Variants in STXBP5L observed in about 807,000 individuals in gnomAD.
The protein encoded by STXBP5L is syntaxin-binding protein 5-like.
In STXBP5L, 65 loss-of-function variants were observed where a neutral mutation model predicts 144.5. The ratio of observed to expected loss-of-function variants is 0.45; its 90% CI spans 0.37 to 0.55. STXBP5L has a LOEUF of 0.55. Among genes scored for constraint, STXBP5L ranks in the 20% least tolerant of loss-of-function variants. The pLI, the probability that STXBP5L is intolerant of heterozygous loss-of-function variation, is 0.00. For missense variants in STXBP5L, 1,298 were observed against 1,405.5 expected, an observed-to-expected ratio of 0.92 and a Z score of 1.22; for synonymous variants, 505 against 469.6, an observed-to-expected ratio of 1.08 and a Z score of -0.97.
chr3:121,222,162 T>C (rs1363649017), intron 10 of STXBP5L, among the ~76,000 whole-genome samples: 2 of 152,050 alleles, frequency 1.3e-5, no homozygotes, highest in African/African-American at 4.8e-5. Context: ...TGAAAATATT[T>C]TTTGCTAACA....
At chr3:120,992,556 T>C (rs1180884448) in intron 3 of STXBP5L, among the ~76,000 whole-genome samples, 1 of 152,152 alleles carries the variant, frequency 6.6e-6, no homozygotes, top group African/African-American at 2.4e-5. Flanking sequence ...GTGATGTTTA[T>C]ATTTCTGTGA....
At chr3:121,209,782 A>G (rs1163963258) in intron 10 of STXBP5L, among the ~76,000 whole-genome samples, 1 of 152,162 alleles carries the variant, frequency 6.6e-6, no homozygotes, top group Non-Finnish European at 1.5e-5. Flanking sequence ...TCATGGCTGC[A>G]TAGTATTCCA....
At chr3:121,102,237 A>G (rs1559747696) in intron 5 of STXBP5L, among the ~76,000 whole-genome samples, 1 of 152,200 alleles carries the variant, frequency 6.6e-6, no homozygotes, top group Non-Finnish European at 1.5e-5. Flanking sequence ...GAACCAAAAT[A>G]GAGCCCAAAT....
intron 5 of STXBP5L, among the ~76,000 whole-genome samples, chr3:121,072,214 C>T (rs2041838784): frequency 6.6e-6 from 1 of 152,336 alleles, no homozygotes; most frequent in Non-Finnish European, 1.5e-5. Context: ...TGCCTTCACC[C>T]ACCCTGAGAA....
chr3:121,115,160 T>G (rs1057294751), intron 6 of STXBP5L, 101 bp downstream of exon 6: 2 of 1,154,970 alleles, frequency 1.7e-6, no homozygotes, highest in Non-Finnish European at 1.2e-6. Flanking sequence ...TATTACTAAT[T>G]TATAATGAAT....
At chr3:120,962,970 C>A (rs1022143513) in intron 3 of STXBP5L, among the ~76,000 whole-genome samples, 1 of 152,108 alleles carries the variant, frequency 6.6e-6, no homozygotes, top group Non-Finnish European at 1.5e-5. Flanking sequence ...GTTTGTAGTT[C>A]TTCTTCAAGA....
intron 3 of STXBP5L, among the ~76,000 whole-genome samples, chr3:120,973,146 A>G (rs571797695): frequency 1.1e-4 from 16 of 152,294 alleles, no homozygotes; most frequent in African/African-American, 2.2e-4. Flanking sequence ...TAGAACCACC[A>G]TAAGTTCTTT....
chr3:121,233,838 AC>A, intron 12 of STXBP5L, 150 bp downstream of exon 12: 1 of 592,758 alleles, frequency 1.7e-6, no homozygotes, highest in Admixed American at 3.8e-5. Context: ...TGAAAATTAA[AC>A]CAGAGGAATT....
chr3:121,140,873 T>C (rs938926092), intron 7 of STXBP5L, among the ~76,000 whole-genome samples: 1 of 152,104 alleles, frequency 6.6e-6, no homozygotes, highest in Admixed American at 6.6e-5. Flanking sequence ...TGTTGAAAAA[T>C]ATAGAGTGTA....
At chr3:121,113,873 C>G (rs2044116579) in intron 5 of STXBP5L, among the ~76,000 whole-genome samples, 1 of 151,800 alleles carries the variant, frequency 6.6e-6, no homozygotes, top group Admixed American at 6.6e-5. Flanking sequence ...GGGGTTTCAC[C>G]ATGTTGGCCA....
At chr3:121,365,424 T>C (rs572759921) in intron 20 of STXBP5L, among the ~76,000 whole-genome samples, 6 of 7,392 alleles carry the variant, frequency 8.1e-4, no homozygotes, top group African/African-American at 6.1e-3. Context: ...ATCAGAAGAT[T>C]TTTTTTTGTT....
intron 19 of STXBP5L, among the ~76,000 whole-genome samples, chr3:121,296,474 T>C (rs1303091952): frequency 1.3e-5 from 2 of 152,176 alleles, no homozygotes; most frequent in Non-Finnish European, 2.9e-5. Flanking sequence ...ATCCCCATGG[T>C]AGGAACAATG....
At position 121,240,408 on chromosome 3, in the gene STXBP5L, G is replaced by A. The variant is rs375821544; in HGVS notation, c.1333-32G>A. 74 of 1,592,578 alleles carry A rather than the reference G, an allele frequency of 4.6e-5. No homozygotes were observed. In the African/African-American group the frequency reaches 7.8e-4, roughly 17 times the overall value. On this transcript the variant is annotated intron_variant, in intron 13 of 26. Transcript: ENST00000471454. ...TTAAATTTCTAAGCCATTTAAACAT[G>A]TATATATATTCTTTCTGGATAATCT...
chr3:121,284,499 C>A (rs2051165896), intron 19 of STXBP5L, among the ~76,000 whole-genome samples: 1 of 151,970 alleles, frequency 6.6e-6, no homozygotes, highest in Non-Finnish European at 1.5e-5. Flanking sequence ...TGGCTACTTA[C>A]TTTTATACTT....
intron 5 of STXBP5L, among the ~76,000 whole-genome samples, chr3:121,065,346 T>A (rs1461614622): frequency 6.6e-6 from 1 of 152,126 alleles, no homozygotes; most frequent in Admixed American, 6.5e-5. Context: ...AAATGGTAGT[T>A]GTATATACAT....
intron 3 of STXBP5L, among the ~76,000 whole-genome samples, chr3:120,976,850 C>A (rs563644157): frequency 2.0e-5 from 3 of 152,088 alleles, no homozygotes; most frequent in South Asian, 2.1e-4. Flanking sequence ...TGTAGTTGAG[C>A]GGTTTTGAGT....
chr3:121,006,201 G>T (rs921766442), intron 3 of STXBP5L, among the ~76,000 whole-genome samples: 3 of 152,130 alleles, frequency 2.0e-5, no homozygotes, highest in Non-Finnish European at 2.9e-5. Context: ...CTCTTTGTGG[G>T]TCTCTAAGGA....
chr3:121,002,930 A>T (rs1284884175), intron 3 of STXBP5L, among the ~76,000 whole-genome samples: 1 of 152,172 alleles, frequency 6.6e-6, no homozygotes, highest in Non-Finnish European at 1.5e-5. Context: ...GTATATGTGC[A>T]ACATTTTCTT....
At chr3:121,396,623 G>A (rs933433328) in intron 22 of STXBP5L, among the ~76,000 whole-genome samples, 1 of 152,220 alleles carries the variant, frequency 6.6e-6, no homozygotes, top group Non-Finnish European at 1.5e-5. Context: ...GATGAAGAAT[G>A]TACCATTTGG....
Sources: gnomAD v4.1 joint callset for allele counts (sites outside exome capture counted in the v4.1 genomes callset) on GRCh38, gnomAD v4.1.1 for gene constraint, MANE v1.5 for transcripts, NCBI Gene and HGNC (gene_info 2026-07-23, HGNC 2026-07-21) for gene names.